ERICH3: variants seen among roughly 807,000 people sequenced by gnomAD.
ERICH3 encodes the protein glutamate rich 3.
In ERICH3, 126 loss-of-function variants were observed where a neutral mutation model predicts 131.1. The observed-to-expected ratio is 0.96, with a 90% CI of 0.83 to 1.11. ERICH3 has a LOEUF of 1.11. Among genes scored for constraint, ERICH3 ranks in the 50% most tolerant of loss-of-function variants. The probability of loss-of-function intolerance (pLI) is 0.00; values close to 1 mark genes in which losing one functional copy is unlikely to be tolerated. For missense variants in ERICH3, 2,050 were observed against 1,810.7 expected, an observed-to-expected ratio of 1.13 and a Z score of -2.40; for synonymous variants, 695 against 644.6, an observed-to-expected ratio of 1.08 and a Z score of -1.18.
chr1:74,589,219 A>T (rs1282871953), intron 12 of ERICH3: 2 of 221,428 alleles, frequency 9.0e-6, no homozygotes, highest in Non-Finnish European at 1.8e-5. Context: ...CCATGCCTGG[A>T]ACGTAGTAAG....
At chr1:74,618,612 G>T (rs112271835) in intron 8 of ERICH3, among the ~76,000 whole-genome samples, 280 of 152,302 alleles carry the variant, frequency 1.8e-3, no homozygotes, top group African/African-American at 6.6e-3. Context: ...AAAAATGCCT[G>T]TGAAGAAATT....
rs373308732 is a variant in ERICH3 at position 74,572,806 on chromosome 1, G to A, written c.2904C>T (p.Asp968=). ...CCCCAAGAATTGCCTCTTCAGAACC[G>A]TCCTCTCTCTTTGATGCTGTGTCCT... The part of the protein sequence containing the change: ...PMEDTASKRE[D]GSEEAILGGE... Residue 968 remains aspartate, a synonymous_variant, in exon 14 of 15, where the codon GAC becomes GAT. Coordinates refer to ENST00000326665, the MANE Select transcript of ERICH3 (RefSeq NM_001002912.5). 3.1e-6 allele frequency: 5 copies of A among 1,613,446 alleles called. No individual in the cohort carries two copies. In the African/African-American group the frequency reaches 4.0e-5, roughly 13 times the overall value.
intron 10 of ERICH3, among the ~76,000 whole-genome samples, chr1:74,604,054 C>T (rs748765792): frequency 3.3e-5 from 5 of 151,884 alleles, no homozygotes; most frequent in African/African-American, 4.8e-5. Context: ...GGGCTCAATC[C>T]TCTCAAATCC....
chr1:74,615,803 A>G (rs1648930352), intron 8 of ERICH3, among the ~76,000 whole-genome samples: 1 of 152,130 alleles, frequency 6.6e-6, no homozygotes, highest in Admixed American at 6.5e-5. Flanking sequence ...AGCAGTTCTA[A>G]TAGGGTAGGC....
chr1:74,577,015 T>C, intron 12 of ERICH3, 79 bp from the exon 13 acceptor site: 1 of 1,388,092 alleles, frequency 7.2e-7, no homozygotes, highest in Non-Finnish European at 9.7e-7. Context: ...TCTCTCCAGT[T>C]GGGTCAGTTA....
intron 9 of ERICH3, among the ~76,000 whole-genome samples, chr1:74,610,878 C>G (rs1648661066): frequency 6.6e-6 from 1 of 152,028 alleles, no homozygotes; most frequent in Admixed American, 6.6e-5. Flanking sequence ...TCCACACATT[C>G]AACTCCCTTA....
At chr1:74,652,538 TTTC>T (rs1174546108) in intron 1 of ERICH3, among the ~76,000 whole-genome samples, 1 of 146,322 alleles carries the variant, frequency 6.8e-6, no homozygotes, top group Non-Finnish European at 1.5e-5. Context: ...TCCCTTCACT[TTTC>T]TTTTCTTTTT....
intron 8 of ERICH3, among the ~76,000 whole-genome samples, chr1:74,616,180 C>CAT (rs1392607486): frequency 6.6e-6 from 1 of 151,704 alleles, no homozygotes; most frequent in East Asian, 1.9e-4. Context: ...TATATATACA[C>CAT]ATATATATAT....
intron 1 of ERICH3, among the ~76,000 whole-genome samples, chr1:74,667,580 T>G (rs1306751743): frequency 6.6e-6 from 1 of 152,222 alleles, no homozygotes; most frequent in African/African-American, 2.4e-5. Flanking sequence ...TCAAAAATAA[T>G]TAAACTTTAC....
intron 9 of ERICH3, among the ~76,000 whole-genome samples, chr1:74,609,549 C>G (rs963214126): frequency 4.6e-5 from 7 of 151,950 alleles, no homozygotes; most frequent in African/African-American, 1.7e-4. Flanking sequence ...CTAGAATAAC[C>G]AGAAAAGTCT....
chr1:74,613,646 G>A (rs1286839623), intron 8 of ERICH3, among the ~76,000 whole-genome samples: 1 of 152,120 alleles, frequency 6.6e-6, no homozygotes, highest in East Asian at 1.9e-4. Flanking sequence ...AGAACACTTT[G>A]TTTTCCCCAT....
intron 11 of ERICH3, among the ~76,000 whole-genome samples, chr1:74,594,155 A>T (rs1647735907): frequency 6.6e-6 from 1 of 152,128 alleles, no homozygotes; most frequent in African/African-American, 2.4e-5. Context: ...TAGCGATCAA[A>T]GTCTTCCCTA....
At chr1:74,604,789 C>G (rs951970848) in intron 10 of ERICH3, among the ~76,000 whole-genome samples, 1 of 151,892 alleles carries the variant, frequency 6.6e-6, no homozygotes, top group African/African-American at 2.4e-5. Context: ...TTGTTTGTTT[C>G]ATTTATAGAG....
intron 9 of ERICH3, among the ~76,000 whole-genome samples, chr1:74,608,498 G>T (rs1351146692): frequency 6.6e-6 from 1 of 151,932 alleles, no homozygotes; most frequent in African/African-American, 2.4e-5. Flanking sequence ...AAATCCAATG[G>T]CAATTACTTA....
intron 6 of ERICH3, among the ~76,000 whole-genome samples, chr1:74,635,974 T>G (rs1002600529): frequency 6.6e-6 from 1 of 152,214 alleles, no homozygotes; most frequent in Non-Finnish European, 1.5e-5. Context: ...TCTTTTCTGA[T>G]AGAAGTTGTA....
chr1:74,571,177 C>A lies in ERICH3; in HGVS notation c.4533G>T (p.Gln1511His). ...PDFTETREKQ[Q>H]HMVQGESETA... ...TCTCGCTTTCTCCTTGCACCATATG[C>A]TGTTGCTTCTCTCGGGTTTCAGTGA... Residue 1511 changes from glutamine to histidine, a missense_variant, in exon 14 of 15, where the codon CAG (glutamine) becomes CAT (histidine). Coordinates refer to ENST00000326665, the MANE Select transcript of ERICH3 (RefSeq NM_001002912.5). 2 of 1,614,112 alleles carry A rather than the reference C, an allele frequency of 1.2e-6. No homozygotes were observed. Among genetic ancestry groups the A allele is most frequent in the South Asian group, 1.1e-5 (1 of 91,078 alleles).
At chr1:74,666,683 A>T (rs1017878217) in intron 1 of ERICH3, among the ~76,000 whole-genome samples, 3 of 152,134 alleles carry the variant, frequency 2.0e-5, no homozygotes, top group African/African-American at 7.2e-5. Context: ...GAACCAAATG[A>T]CTTCTGCTGT....
chr1:74,614,603 G>GA (rs1200166591), intron 8 of ERICH3, among the ~76,000 whole-genome samples: 2 of 151,522 alleles, frequency 1.3e-5, no homozygotes, highest in African/African-American at 4.9e-5. Flanking sequence ...CGTGAACCCG[G>GA]GAGGCGGAGC....
intron 1 of ERICH3, among the ~76,000 whole-genome samples, chr1:74,656,827 C>T (rs192858232): frequency 9.4e-4 from 143 of 152,184 alleles, no homozygotes; most frequent in Non-Finnish European, 9.7e-4. Flanking sequence ...TAAAATTGTA[C>T]CTATCTCTTT....
Sources: allele counts gnomAD v4.1 joint callset (sites outside exome capture counted in the v4.1 genomes callset), GRCh38; gene constraint gnomAD v4.1.1; transcripts MANE v1.5; gene names NCBI Gene and HGNC (gene_info 2026-07-23, HGNC 2026-07-21).